The following TCEA1 variants were observed in gnomAD, a reference collection of about 807,000 sequenced individuals.
TCEA1 encodes transcription elongation factor A protein 1.
A neutral mutation model predicts 43.8 loss-of-function variants in TCEA1; 21 were observed. The observed-to-expected ratio is 0.48, with a 90% CI of 0.34 to 0.69. The LOEUF (loss-of-function observed/expected upper bound fraction) is 0.69. TCEA1 is among the 30% of genes least tolerant of loss of function. The probability of loss-of-function intolerance (pLI) is 0.01; values close to 1 mark genes in which losing one functional copy is unlikely to be tolerated. For synonymous variants in TCEA1, 104 were observed against 117.5 expected, an observed-to-expected ratio of 0.88 and a Z score of 0.75; for missense variants, 250 against 365.1, an observed-to-expected ratio of 0.68 and a Z score of 2.57.
intron 7 of TCEA1, among the ~76,000 whole-genome samples, chr8:53,980,000 TGA>T (rs568056380): frequency 7.0e-4 from 107 of 152,304 alleles, no homozygotes; most frequent in Non-Finnish European, 9.8e-4. Context: ...GAGACTAATG[TGA>T]GTAATAACTT....
intron 1 of TCEA1, among the ~76,000 whole-genome samples, chr8:54,020,344 G>A (rs1451994609): frequency 2.0e-5 from 3 of 152,072 alleles, no homozygotes; most frequent in African/African-American, 7.2e-5. Flanking sequence ...GGGAAATGAA[G>A]GGCCATATCA....
At chr8:53,996,019 T>C (rs761957370) in intron 3 of TCEA1, among the ~76,000 whole-genome samples, 2 of 152,176 alleles carry the variant, frequency 1.3e-5, no homozygotes, top group African/African-American at 2.4e-5. Context: ...AGATTAATAA[T>C]GACACATGGC....
chr8:53,976,085 T>C (rs947050849), intron 8 of TCEA1, among the ~76,000 whole-genome samples: 5 of 152,202 alleles, frequency 3.3e-5, no homozygotes, highest in Non-Finnish European at 7.3e-5. Context: ...AAAGCATTAT[T>C]AAAGTTAAAT....
rs1586048580 is a variant in TCEA1 at position 54,022,211 on chromosome 8, C to A, written c.-86G>T. ...GCGGAAGACACAGCAGGAGCGACCC[C>A]CGGCGCGCAGCAACCCCCACCACCG... On this transcript the variant is annotated 5_prime_UTR_variant, in exon 1 of 10. Transcript: ENST00000521604. 2.1e-6 allele frequency: 3 copies of A among 1,451,810 alleles called. No individual in the cohort carries two copies. The highest frequency in any genetic ancestry group is 1.4e-5 in the African/African-American group (1 of 70,028). 89.9% of individuals were successfully genotyped at this position (1,451,810 alleles called of 1,614,324 possible). A position where few individuals can be genotyped will look rare whatever the true frequency, so the allele number is the denominator to read the frequency against.
In TCEA1 at chr8:54,022,298, G is replaced by GCGGCGGCGT; in HGVS notation, c.-174_-173insACGCCGCCG. ...GCCCGCGGCGGCGGCGGCGGCGGCGGCGGCTCCGGCTCCTCCTCCCCAGGC... is the reference window on the plus strand; with the variant it reads ...GCCCGCGGCGGCGGCGGCGGCGGCGGCGGCGGCGTCGGCTCCGGCTCCTCCTCCCCAGGC... On this transcript the variant is annotated 5_prime_UTR_variant, in exon 1 of 10. Coordinates refer to ENST00000521604, the MANE Select transcript of TCEA1 (RefSeq NM_006756.4). The GCGGCGGCGT allele has an allele frequency of 1.3e-6, 1 of 767,022 alleles. No individual in the cohort carries two copies. Among genetic ancestry groups the GCGGCGGCGT allele is most frequent in the Admixed American group, 2.5e-5 (1 of 39,484 alleles). 47.5% of individuals were successfully genotyped at this position (767,022 alleles called of 1,614,324 possible).
At chr8:54,011,142 T>G (rs1586034709) in intron 1 of TCEA1, among the ~76,000 whole-genome samples, 1 of 152,304 alleles carries the variant, frequency 6.6e-6, no homozygotes, top group African/African-American at 2.4e-5. Flanking sequence ...AAAGAATTAT[T>G]TTAGAGTTGA....
intron 2 of TCEA1, among the ~76,000 whole-genome samples, chr8:54,002,541 C>CT (rs1804305363): frequency 6.8e-6 from 1 of 146,262 alleles, no homozygotes; most frequent in Non-Finnish European, 1.5e-5. Context: ...ATAAGTTTTT[C>CT]TTTTTTCCTT....
intron 1 of TCEA1, among the ~76,000 whole-genome samples, chr8:54,011,491 C>T (rs1328802784): frequency 1.3e-5 from 2 of 152,256 alleles, no homozygotes; most frequent in African/African-American, 4.8e-5. Context: ...ACTCATTCCA[C>T]AAGTTCTGAT....
intron 3 of TCEA1, 32 bp from the exon 4 acceptor site, chr8:53,993,787 C>T: frequency 6.3e-7 from 1 of 1,580,414 alleles, no homozygotes; most frequent in Non-Finnish European, 8.6e-7. Flanking sequence ...AAGTTGCTAG[C>T]ATTTGTAAAA....
intron 2 of TCEA1, chr8:54,009,869 C>T (rs1204814162): frequency 6.6e-6 from 1 of 152,052 alleles, no homozygotes; most frequent in Non-Finnish European, 1.5e-5. Flanking sequence ...GTGAGGGATA[C>T]CCTAAATAAC....
chr8:54,020,133 C>T (rs904877819), intron 1 of TCEA1, among the ~76,000 whole-genome samples: 10 of 152,146 alleles, frequency 6.6e-5, no homozygotes, highest in Non-Finnish European at 1.0e-4. Context: ...AAGCAAACAT[C>T]TAATGCATTA....
intron 1 of TCEA1, among the ~76,000 whole-genome samples, chr8:54,018,368 C>T (rs1563523341): frequency 6.6e-6 from 1 of 152,138 alleles, no homozygotes; most frequent in Non-Finnish European, 1.5e-5. Context: ...TAAATGAATC[C>T]TTTACAAAGA....
intron 4 of TCEA1, among the ~76,000 whole-genome samples, chr8:53,991,076 C>A (rs1031460435): frequency 2.6e-5 from 4 of 152,076 alleles, no homozygotes; most frequent in Non-Finnish European, 5.9e-5. Context: ...TATACCTACA[C>A]GTCAAGCACG....
At chr8:53,977,272 A>T (rs1471229404) in intron 8 of TCEA1, among the ~76,000 whole-genome samples, 1 of 152,226 alleles carries the variant, frequency 6.6e-6, no homozygotes, top group Non-Finnish European at 1.5e-5. Flanking sequence ...GTGAGCTGAG[A>T]TGGCGCCACT....
At chr8:53,983,328 CA>C (rs1372788749) in intron 7 of TCEA1, among the ~76,000 whole-genome samples, 4 of 152,272 alleles carry the variant, frequency 2.6e-5, no homozygotes, top group African/African-American at 9.6e-5. Context: ...TCCAAACTTG[CA>C]ATGTATCTGA....
chr8:54,000,126 C>A, intron 2 of TCEA1, 76 bp from the exon 3 acceptor site: 4 of 891,536 alleles, frequency 4.5e-6, no homozygotes, highest in Non-Finnish European at 6.7e-6. Flanking sequence ...ACATTCTTTT[C>A]TTTCCCAGAT....
Position 54,022,296 on chromosome 8 carries a change from C to CGGT in TCEA1, c.-172_-171insACC. 1 of 765,438 alleles carries CGGT rather than the reference C, an allele frequency of 1.3e-6. No homozygotes were observed. The allele number at this position is 765,438 out of a possible 1,614,324, so 47.4% of individuals were successfully genotyped here. On this transcript the variant is annotated 5_prime_UTR_variant, in exon 1 of 10. Coordinates refer to ENST00000521604, the MANE Select transcript of TCEA1 (RefSeq NM_006756.4). ...AAGCCCGCGGCGGCGGCGGCGGCGG[C>CGGT]GGCGGCTCCGGCTCCTCCTCCCCAG...
At chr8:54,016,911 T>C (rs1055554751) in intron 1 of TCEA1, among the ~76,000 whole-genome samples, 10 of 145,854 alleles carry the variant, frequency 6.9e-5, no homozygotes, top group East Asian at 2.1e-4. Flanking sequence ...GAGGCGGAGG[T>C]TGCAGTGAGC....
intron 1 of TCEA1, among the ~76,000 whole-genome samples, chr8:54,017,277 T>C (rs1050907050): frequency 6.6e-6 from 1 of 152,282 alleles, no homozygotes; most frequent in Non-Finnish European, 1.5e-5. Flanking sequence ...GAATTAACAG[T>C]TGACCCTCAA....
Sources: gnomAD v4.1 joint callset for allele counts (sites outside exome capture counted in the v4.1 genomes callset) on GRCh38, gnomAD v4.1.1 for gene constraint, MANE v1.5 for transcripts, NCBI Gene and HGNC (gene_info 2026-07-23, HGNC 2026-07-21) for gene names.